The following EPHA10 variants were observed in gnomAD, a reference collection of about 807,000 sequenced individuals.
The protein encoded by EPHA10 is EPH receptor A10, also known as ephrin type-A receptor 10.
A neutral mutation model predicts 109.7 loss-of-function variants in EPHA10; 120 were observed. That is an observed-to-expected ratio of 1.09 (90% CI 0.94 to 1.27). The LOEUF is 1.27. EPHA10 is among the 50% of genes most tolerant of loss of function. The pLI, the probability that EPHA10 is intolerant of heterozygous loss-of-function variation, is 0.00. For synonymous variants in EPHA10, 640 were observed against 618.9 expected (o/e 1.03, Z -0.51); for missense variants, 1,396 against 1,411.1 (o/e 0.99, Z 0.17).
At chr1:37,756,125 T>C (rs1646390995) in intron 3 of EPHA10, among the ~76,000 whole-genome samples, 1 of 152,078 alleles carries the variant, frequency 6.6e-6, no homozygotes, top group South Asian at 2.1e-4. Flanking sequence ...GAACAGAGCA[T>C]GGGCCAACTA....
chr1:37,731,500 T>C lies in EPHA10; in HGVS notation c.1574A>G (p.Tyr525Cys), dbSNP rs1216259906. 1 of 1,614,078 alleles carries C rather than the reference T, an allele frequency of 6.2e-7. No homozygotes were observed. Among genetic ancestry groups the C allele is most frequent in the Non-Finnish European group, 8.5e-7 (1 of 1,179,984 alleles). ...GGAAGCGGCCCGGATCTGAAAGACGTAGCGGGTAGCCGGCTTCAGGTTGGT... is the reference window on the plus strand; with the variant it reads ...GGAAGCGGCCCGGATCTGAAAGACGCAGCGGGTAGCCGGCTTCAGGTTGGT... ...TVTNLKPATRYVFQIRAASPG... is the reference protein window; with the variant it reads ...TVTNLKPATRCVFQIRAASPG... The change falls in exon 7 of 17, where the codon TAC becomes TGC. Residue 525 changes from tyrosine (Y) to cysteine (C), a missense_variant. Physicochemically the swap from Tyr to Cys is radical, Grantham distance 194. Coordinates refer to ENST00000373048, the MANE Select transcript of EPHA10 (RefSeq NM_001099439.2).
At chr1:37,722,921 C>A in intron 10 of EPHA10, 120 bp downstream of exon 10, 1 of 1,490,600 alleles carries the variant, frequency 6.7e-7, no homozygotes, top group Non-Finnish European at 9.3e-7. Context: ...CTTCCAGACA[C>A]GAGCAGAGAC....
At chr1:37,756,923 C>T (rs1242988812) in intron 3 of EPHA10, among the ~76,000 whole-genome samples, 2 of 152,058 alleles carry the variant, frequency 1.3e-5, no homozygotes, top group Non-Finnish European at 2.9e-5. Flanking sequence ...CCTCCTGGGG[C>T]CAAGCAATCC....
intron 15 of EPHA10, chr1:37,719,197 G>A: frequency 1.6e-6 from 1 of 613,666 alleles, no homozygotes; most frequent in Non-Finnish European, 2.9e-6. Flanking sequence ...ATTGTACCCG[G>A]GGATGTGGGC....
intron 5 of EPHA10, among the ~76,000 whole-genome samples, chr1:37,746,395 T>C (rs927554744): frequency 6.6e-6 from 1 of 151,998 alleles, no homozygotes; most frequent in Non-Finnish European, 1.5e-5. Flanking sequence ...CCACACCGGG[T>C]AGTGTCTCTC....
At chr1:37,749,091 T>A (rs1010126577) in intron 5 of EPHA10, among the ~76,000 whole-genome samples, 2 of 151,382 alleles carry the variant, frequency 1.3e-5, no homozygotes, top group African/African-American at 4.9e-5. Context: ...CCTGGCTAAT[T>A]TTTTTTATTT....
chr1:37,739,001 C>T lies in EPHA10; in HGVS notation c.1358-3611G>A, dbSNP rs185018988. Among the ~76,000 whole-genome samples, 41 of 151,478 alleles carry T rather than the reference C, an allele frequency of 2.7e-4. No homozygotes were observed. In the East Asian group the frequency reaches 6.3e-3, roughly 23 times the overall value. ...GAACATCACACACCGGGGCCTGTCG[C>T]GGGGTGGAGGGTAGGGGGAGGGATA... is the stretch of plus-strand genomic sequence containing the variant. On this transcript the variant is annotated intron_variant, in intron 5 of 16. Transcript: ENST00000373048.
intron 5 of EPHA10, among the ~76,000 whole-genome samples, chr1:37,751,236 G>GA (rs1646320388): frequency 2.6e-4 from 19 of 73,800 alleles, no homozygotes; most frequent in South Asian, 9.2e-4. Flanking sequence ...GAAAGAAAAA[G>GA]AAAAAGAAAA....
chr1:37,733,941 G>A (rs1365326244), intron 6 of EPHA10, among the ~76,000 whole-genome samples: 1 of 152,118 alleles, frequency 6.6e-6, no homozygotes, highest in African/African-American at 2.4e-5. Context: ...CTCCAAGCCT[G>A]CCCTTCCACC....
chr1:37,724,226 G>A lies in EPHA10; in HGVS notation c.1773-854C>T, dbSNP rs565715532. ...CACAGGGCTGAGAGGTTGTTGGATGGCAGAAAGGAAGAGGGAGAAGTTGCC... is the reference window on the plus strand; with the variant it reads ...CACAGGGCTGAGAGGTTGTTGGATGACAGAAAGGAAGAGGGAGAAGTTGCC... On this transcript the variant is annotated intron_variant, in intron 8 of 16. Transcript: ENST00000373048. Among the ~76,000 whole-genome samples the A allele has an allele frequency of 1.1e-3, 171 of 152,328 alleles. 1 individual carries two copies. The highest frequency in any genetic ancestry group is 3.9e-3 in the African/African-American group (162 of 41,572).
intron 6 of EPHA10, 97 bp from the exon 7 acceptor site, chr1:37,731,679 T>G: frequency 7.4e-7 from 1 of 1,360,390 alleles, no homozygotes; most frequent in Non-Finnish European, 9.9e-7. Context: ...AGAAGCGCCC[T>G]TACGTGAATG....
chr1:37,720,363 GAC>G lies in EPHA10; in HGVS notation c.2398_2399del (p.Val800LeufsTer28). ...GGGGCGCCCTCACCATAGTGGTGTA[GAC>G]AGCCTCTGATCGGTCCCGGGGGCCC... ...GRGPRDRSEA[V>X]YTTMSGRSPA... On this transcript the variant is annotated frameshift_variant, in exon 13 of 17. Coordinates refer to ENST00000373048, the MANE Select transcript of EPHA10 (RefSeq NM_001099439.2). LOFTEE classifies it high-confidence loss of function. 6.2e-7 allele frequency: 1 copy of G among 1,608,250 alleles called. No homozygotes were observed. The highest frequency in any genetic ancestry group is 8.5e-7 in the Non-Finnish European group (1 of 1,178,162).
At chr1:37,744,633 C>T (rs1056921880) in intron 5 of EPHA10, among the ~76,000 whole-genome samples, 11 of 151,680 alleles carry the variant, frequency 7.3e-5, no homozygotes, top group Non-Finnish European at 1.0e-4. Flanking sequence ...GTACGCCACC[C>T]TGGGCAACAG....
chr1:37,755,359 C>T (rs199764236), intron 3 of EPHA10, among the ~76,000 whole-genome samples: 1 of 147,438 alleles, frequency 6.8e-6, no homozygotes, highest in South Asian at 2.2e-4. Flanking sequence ...CCCACCACCA[C>T]CATCATGTGA....
At chr1:37,720,917 G>A in intron 11 of EPHA10, 73 bp from the exon 12 acceptor site, 1 of 1,525,340 alleles carries the variant, frequency 6.6e-7, no homozygotes, top group South Asian at 1.1e-5. Flanking sequence ...TTCCCCCCCA[G>A]GGTCCCAGAC....
At position 37,762,192 on chromosome 1, in the gene EPHA10, A is replaced by T. The variant is rs893038890; in HGVS notation, c.172-109T>A. On this transcript the variant is annotated intron_variant, in intron 2 of 16. Coordinates refer to ENST00000373048, the MANE Select transcript of EPHA10 (RefSeq NM_001099439.2). The stretch of plus-strand genomic sequence containing the variant: ...CTCTCATGCACCATGCACACCCCGG[A>T]AATTGTAAGATGCAGCGCTGGGAGA... The T allele has an allele frequency of 9.6e-5, 99 of 1,034,658 alleles. No homozygotes were observed. The African/African-American group carries it at 1.5e-3, about 16-fold the overall frequency. The allele number at this position is 1,034,658 out of a possible 1,614,324, so 64.1% of individuals were successfully genotyped here.
intron 5 of EPHA10, among the ~76,000 whole-genome samples, chr1:37,740,639 A>G (rs1055732369): frequency 3.3e-5 from 5 of 152,132 alleles, no homozygotes; most frequent in African/African-American, 1.2e-4. Context: ...TGGTGATTCC[A>G]GCGTGCAGAC....
Position 37,739,567 on chromosome 1 carries a change from TA to T in EPHA10, c.1358-4178del, listed in dbSNP as rs1190648249. On this transcript the variant is annotated intron_variant, in intron 5 of 16. Transcript: ENST00000373048. ...AACCAGGCCTGGTGGTGTGTGCCTA[TA>T]ATCTCAGCTACTTGGGAGGCTGAGG... 4.0e-4 allele frequency among the ~76,000 whole-genome samples: 61 copies of T among 151,616 alleles called. 1 individual carries two copies. The highest frequency in any genetic ancestry group is 2.1e-4 in the Non-Finnish European group (14 of 67,980).
chr1:37,754,305 T>A lies in EPHA10; in HGVS notation c.916A>T (p.Ser306Cys). The change falls in exon 4 of 17, where the codon AGC becomes TGC. Residue 306 changes from serine (S) to cysteine (C), a missense_variant. By Grantham distance (112) the Ser-to-Cys change is moderately radical (BLOSUM62 -1). Transcript: ENST00000373048. The surrounding 1 kb of genome is among the most constrained non-coding windows in gnomAD (Gnocchi z 4.5). ...RPLCSPCPEH[S>C]RALENASTFC... ...GTGGAGGCGTTTTCCAGGGCCCGGC[T>A]GTGCTCTGGGCACGGTGAGCAGAGG... 7.6e-7 allele frequency: 1 copy of A among 1,323,728 alleles called. No individual in the cohort carries two copies. 82.0% of individuals were successfully genotyped at this position (1,323,728 alleles called of 1,614,324 possible).
Sources: gnomAD v4.1 joint callset for allele counts (sites outside exome capture counted in the v4.1 genomes callset) on GRCh38, gnomAD v4.1.1 for gene constraint, Gnocchi (gnomAD v3.1) non-coding constraint, MANE v1.5 for transcripts, NCBI Gene and HGNC (gene_info 2026-07-23, HGNC 2026-07-21) for gene names.